Variants in RANBP2 observed in about 807,000 individuals in gnomAD.
RANBP2 encodes the protein RAN binding protein 2.
A neutral mutation model predicts 303.6 loss-of-function variants in RANBP2; 57 were observed. That is an observed-to-expected ratio of 0.19 (90% CI 0.15 to 0.23). The LOEUF is 0.23. Among genes scored for constraint, RANBP2 ranks in the 10% least tolerant of loss-of-function variants. The probability of loss-of-function intolerance (pLI) is 1.00; values close to 1 mark genes in which losing one functional copy is unlikely to be tolerated. For missense variants in RANBP2, 3,138 were observed against 3,780.8 expected (o/e 0.83, Z 4.46); for synonymous variants, 1,167 against 1,301.5 (o/e 0.90, Z 2.23).
the RANBP2 span, among the ~76,000 whole-genome samples, chr2:109,199,871 G>C: frequency 0.016 from 3 of 182 alleles, 1 homozygote; most frequent in Non-Finnish European, 8.9e-3. Context: ...TTGTCTTGGG[G>C]ATTAGGGCTT....
At chr2:109,741,374 A>T in the RANBP2 span, among the ~76,000 whole-genome samples, 2 of 152,198 alleles carry the variant, frequency 1.3e-5, no homozygotes, top group South Asian at 2.1e-4. Flanking sequence ...AGTTGTCAGC[A>T]AATCAGGATT....
the RANBP2 span, among the ~76,000 whole-genome samples, chr2:108,874,851 T>C: frequency 6.6e-6 from 1 of 152,176 alleles, no homozygotes; most frequent in East Asian, 1.9e-4. Flanking sequence ...CTATTGCAGT[T>C]ACCTTATGGT....
the RANBP2 span, among the ~76,000 whole-genome samples, chr2:109,279,215 A>G: frequency 2.6e-5 from 4 of 152,184 alleles, no homozygotes; most frequent in Non-Finnish European, 4.4e-5. Context: ...GAAGCGTGCT[A>G]TTAGCTTGTC....
intron 18 of RANBP2, 35 bp from the exon 19 acceptor site, chr2:108,762,066 A>G: frequency 6.3e-7 from 1 of 1,596,290 alleles, no homozygotes; most frequent in Non-Finnish European, 8.5e-7. Flanking sequence ...ATAGACTTTA[A>G]CAGTGTTTTC....
At chr2:109,690,300 CG>C in the RANBP2 span, among the ~76,000 whole-genome samples, 1 of 152,064 alleles carries the variant, frequency 6.6e-6, no homozygotes, top group East Asian at 1.9e-4. Flanking sequence ...CGGGACAACT[CG>C]AAGCAAAGGC....
the RANBP2 span, among the ~76,000 whole-genome samples, chr2:109,518,953 C>T: frequency 1.5e-5 from 2 of 137,654 alleles, no homozygotes; most frequent in Non-Finnish European, 3.0e-5. Flanking sequence ...GAGTCTCGCT[C>T]TGTCACCCAG....
At chr2:109,369,143 G>GACCATCCTGGCCAC in the RANBP2 span, among the ~76,000 whole-genome samples, 1 of 151,094 alleles carries the variant, frequency 6.6e-6, no homozygotes, top group African/African-American at 2.4e-5. Context: ...AGGGGATCGA[G>GACCATCCTGGCCAC]ACCATCCTGG....
the RANBP2 span, among the ~76,000 whole-genome samples, chr2:109,178,998 T>A: frequency 5.3e-4 from 73 of 136,952 alleles, 2 homozygotes; most frequent in South Asian, 0.016. Context: ...TTATAAAGTA[T>A]AATAATGTGT....
At chr2:109,146,448 A>G in the RANBP2 span, among the ~76,000 whole-genome samples, 1 of 152,084 alleles carries the variant, frequency 6.6e-6, no homozygotes, top group African/African-American at 2.4e-5. Flanking sequence ...ATTCCGTGCC[A>G]AGAGGCCTCC....
chr2:109,551,335 G>A, the RANBP2 span, among the ~76,000 whole-genome samples: 1 of 152,224 alleles, frequency 6.6e-6, no homozygotes, highest in Non-Finnish European at 1.5e-5. Flanking sequence ...ATTAAATAAT[G>A]TTTTGAGTGG....
the RANBP2 span, among the ~76,000 whole-genome samples, chr2:109,576,295 C>T: frequency 1.3e-4 from 19 of 151,690 alleles, no homozygotes; most frequent in East Asian, 1.6e-3. Flanking sequence ...GACAGGGTCT[C>T]GTTGTGTTGC....
At chr2:109,444,641 C>CCT in the RANBP2 span, among the ~76,000 whole-genome samples, 1 of 152,142 alleles carries the variant, frequency 6.6e-6, no homozygotes, top group Non-Finnish European at 1.5e-5. Context: ...AGCTCAGCAC[C>CCT]CTCTCTGCAG....
chr2:108,760,242 T>C (rs1676632489), intron 18 of RANBP2, among the ~76,000 whole-genome samples: 2 of 152,234 alleles, frequency 1.3e-5, no homozygotes, highest in African/African-American at 4.8e-5. Flanking sequence ...TTTCCTATAT[T>C]TGAGAGCATT....
chr2:109,723,133 A>T, the RANBP2 span, among the ~76,000 whole-genome samples: 1 of 152,022 alleles, frequency 6.6e-6, no homozygotes, highest in African/African-American at 2.4e-5. Context: ...ATCTGTTGTT[A>T]TTATTGGCAT....
At chr2:109,361,534 C>T in the RANBP2 span, among the ~76,000 whole-genome samples, 3 of 152,190 alleles carry the variant, frequency 2.0e-5, no homozygotes, top group South Asian at 2.1e-4. Context: ...AGTGCAGTGG[C>T]GCGATCTTGG....
the RANBP2 span, among the ~76,000 whole-genome samples, chr2:109,284,271 C>T: frequency 6.6e-6 from 1 of 152,244 alleles, no homozygotes; most frequent in Non-Finnish European, 1.5e-5. Flanking sequence ...TTTCCTTGAG[C>T]ATCTTCACTG....
chr2:109,089,734 A>C, the RANBP2 span, among the ~76,000 whole-genome samples: 15 of 152,294 alleles, frequency 9.8e-5, no homozygotes, highest in African/African-American at 1.7e-4. Flanking sequence ...GTTGAGTTTC[A>C]GTTCTTTGAT....
chr2:109,772,687 AG>A, the RANBP2 span, among the ~76,000 whole-genome samples: 1 of 116,700 alleles, frequency 8.6e-6, no homozygotes, highest in Admixed American at 1.0e-4. Context: ...GGCTTTAAGC[AG>A]GGCAGCAAAA....
At chr2:109,194,115 G>A in the RANBP2 span, among the ~76,000 whole-genome samples, 6 of 152,252 alleles carry the variant, frequency 3.9e-5, no homozygotes, top group Admixed American at 6.5e-5. Flanking sequence ...CTGGATGCAT[G>A]GGCAGTTGCT....
Sources: allele counts gnomAD v4.1 joint callset (sites outside exome capture counted in the v4.1 genomes callset), GRCh38; gene constraint gnomAD v4.1.1; transcripts MANE v1.5; gene names NCBI Gene and HGNC (gene_info 2026-07-23, HGNC 2026-07-21).